Variants in PEX26 observed in about 807,000 individuals in gnomAD.
The protein encoded by PEX26 is peroxisome assembly protein 26.
A neutral mutation model predicts 31.4 loss-of-function variants in PEX26; 18 were observed. That is an observed-to-expected ratio of 0.57 (90% CI 0.40 to 0.85). The LOEUF is 0.85. PEX26 is among the 40% of genes least tolerant of loss of function. PEX26 has a pLI of 0.00. For synonymous variants in PEX26, 176 were observed against 166.9 expected (o/e 1.05, Z -0.42); for missense variants, 377 against 383.9 (o/e 0.98, Z 0.15).
rs923472082 is a variant in PEX26 at position 18,088,402 on chromosome 22, G to A, written c.*327G>A. The A allele has an allele frequency of 9.2e-6, 4 of 435,934 alleles. No homozygotes were observed. Among genetic ancestry groups the A allele is most frequent in the Non-Finnish European group, 1.7e-5 (4 of 231,728 alleles). 27.0% of individuals were successfully genotyped at this position (435,934 alleles called of 1,614,324 possible). A position where few individuals can be genotyped will look rare whatever the true frequency, so the allele number is the denominator to read the frequency against. ...ATCTTCTTGGTGAAGGCAAGGGGTT[G>A]GTTCTTCAGGTCAGGATGTTAATGG... On this transcript the variant is annotated 3_prime_UTR_variant, in exon 5 of 5. Transcript: ENST00000399744. The surrounding 1 kb of genome is among the most constrained non-coding windows in gnomAD (Gnocchi z 4.1).
chr22:18,079,331 G>C (rs1452967359), intron 1 of PEX26: 1 of 594,946 alleles, frequency 1.7e-6, no homozygotes, highest in Non-Finnish European at 2.1e-6. Context: ...AATAGCTAAA[G>C]TTGACCACAA....
intron 1 of PEX26, among the ~76,000 whole-genome samples, chr22:18,079,448 A>T (rs1014224548): frequency 6.6e-6 from 1 of 152,172 alleles, no homozygotes; most frequent in Non-Finnish European, 1.5e-5. Context: ...GAACCTTACT[A>T]GGTGGTGCCT....
In PEX26 at chr22:18,090,667, G is replaced by A. The variant is rs1927056395; in HGVS notation, c.*2592G>A. The A allele has an allele frequency of 6.7e-6, 1 of 149,574 alleles. No homozygotes were observed. Among genetic ancestry groups the A allele is most frequent in the South Asian group, 2.1e-4 (1 of 4,708 alleles). 9.3% of individuals were successfully genotyped at this position (149,574 alleles called of 1,614,324 possible). A position where few individuals can be genotyped will look rare whatever the true frequency, so the allele number is the denominator to read the frequency against. ...TTGCGTATCAACAGTGGATTTGCTGGTTGTTTCTACAGGGTTCTGAAGCAT... is the reference window on the plus strand; with the variant it reads ...TTGCGTATCAACAGTGGATTTGCTGATTGTTTCTACAGGGTTCTGAAGCAT... On this transcript the variant is annotated 3_prime_UTR_variant, in exon 5 of 5. Transcript: ENST00000399744.
rs1469164336 is a variant in PEX26 at position 18,078,004 on chromosome 22, C to G, written c.-373C>G. ...GCCGGGACGCCGCGCGGCTGCGGGG[C>G]TGGGCGAGCGCAAAGATGTCCGCGC... On this transcript the variant is annotated 5_prime_UTR_variant, in exon 1 of 5. Coordinates refer to ENST00000399744, the MANE Select transcript of PEX26 (RefSeq NM_001127649.3). The G allele has an allele frequency of 8.9e-6, 4 of 450,290 alleles. No individual in the cohort carries two copies. Among genetic ancestry groups the G allele is most frequent in the East Asian group, 6.3e-5 (1 of 15,948 alleles). 27.9% of individuals were successfully genotyped at this position (450,290 alleles called of 1,614,324 possible).
rs146022438 is a variant in PEX26 at position 18,089,212 on chromosome 22, T to C, written c.*1137T>C. The C allele has an allele frequency of 1.3e-5, 2 of 152,912 alleles. No individual in the cohort carries two copies. The highest frequency in any genetic ancestry group is 2.9e-5 in the Non-Finnish European group (2 of 68,106). 9.5% of individuals were successfully genotyped at this position (152,912 alleles called of 1,614,324 possible). ...ACCATTTCAGGTTCTTCCCTTTCTG[T>C]GTCCCATTGTCCTAGTTATGTTCTG... On this transcript the variant is annotated 3_prime_UTR_variant, in exon 5 of 5. Transcript: ENST00000399744.
In PEX26 at chr22:18,094,106, C is replaced by T. The variant is rs1219363594; in HGVS notation, c.*6031C>T. ...CAGCCCCTTTAAAACTTTTAGCATC[C>T]TCTTGTCACTTTTGTACTATCCAAG... On this transcript the variant is annotated 3_prime_UTR_variant, in exon 5 of 5. Transcript: ENST00000399744. 3.9e-5 allele frequency: 6 copies of T among 152,222 alleles called. No individual in the cohort carries two copies. Among genetic ancestry groups the T allele is most frequent in the Admixed American group, 1.3e-4 (2 of 15,282 alleles). 9.4% of individuals were successfully genotyped at this position (152,222 alleles called of 1,614,324 possible). A position where few individuals can be genotyped will look rare whatever the true frequency, so the allele number is the denominator to read the frequency against.
At position 18,091,806 on chromosome 22, in the gene PEX26, A is replaced by G. The variant is rs574077754; in HGVS notation, c.*3731A>G. 5 of 152,390 alleles carry G rather than the reference A, an allele frequency of 3.3e-5. No individual in the cohort carries two copies. Among genetic ancestry groups the G allele is most frequent in the Admixed American group, 3.3e-4 (5 of 15,296 alleles). 9.4% of individuals were successfully genotyped at this position (152,390 alleles called of 1,614,324 possible). A position where few individuals can be genotyped will look rare whatever the true frequency, so the allele number is the denominator to read the frequency against. On this transcript the variant is annotated 3_prime_UTR_variant, in exon 5 of 5. Coordinates refer to ENST00000399744, the MANE Select transcript of PEX26 (RefSeq NM_001127649.3). ...AACCCCTCCATGCTTTCCAAAGCCT[A>G]CAAGTACAGCAGCCCCAAGTTTAGG...
intron 2 of PEX26, chr22:18,081,753 C>A: frequency 1.3e-5 from 2 of 154,374 alleles, no homozygotes; most frequent in South Asian, 3.6e-4. Flanking sequence ...AAGGAAGTGC[C>A]GTCTTTCCTA....
chr22:18,087,176 G>A lies in PEX26; in HGVS notation c.815-796G>A, dbSNP rs111970984. ...TGCAACCTCCGCCTCCTGGGTTCAAGCGATTCTCCTGCCTCAGTATCCCAA... is the reference window on the plus strand; with the variant it reads ...TGCAACCTCCGCCTCCTGGGTTCAAACGATTCTCCTGCCTCAGTATCCCAA... On this transcript the variant is annotated intron_variant, in intron 4 of 4. Coordinates refer to ENST00000399744, the MANE Select transcript of PEX26 (RefSeq NM_001127649.3). 6.4e-3 allele frequency among the ~76,000 whole-genome samples: 971 copies of A among 152,302 alleles called. 9 individuals carry two copies. The highest frequency in any genetic ancestry group is 0.022 in the African/African-American group (911 of 41,560).
chr22:18,078,817 G>A, intron 1 of PEX26: 1 of 701,928 alleles, frequency 1.4e-6, no homozygotes, highest in Admixed American at 2.0e-5. Flanking sequence ...GGATCCCACA[G>A]CCAATTATTT....
In PEX26 at chr22:18,095,334, A is replaced by G. The variant is rs1292541974; in HGVS notation, c.*7259A>G. The stretch of plus-strand genomic sequence containing the variant: ...TGGGTAGGTATAAATACAAGCTGGT[A>G]GTTTCATTGGATGACTCACACAGAT... On this transcript the variant is annotated 3_prime_UTR_variant, in exon 5 of 5. Transcript: ENST00000399744. 1 of 152,188 alleles carries G rather than the reference A, an allele frequency of 6.6e-6. No individual in the cohort carries two copies. Among genetic ancestry groups the G allele is most frequent in the Non-Finnish European group, 1.5e-5 (1 of 68,036 alleles). 9.4% of individuals were successfully genotyped at this position (152,188 alleles called of 1,614,324 possible).
chr22:18,087,556 T>C (rs1017628872), intron 4 of PEX26, among the ~76,000 whole-genome samples: 1 of 152,256 alleles, frequency 6.6e-6, no homozygotes, highest in Non-Finnish European at 1.5e-5. Context: ...ATTTAGAAAC[T>C]CTTTATGATT....
chr22:18,085,023 C>T (rs1243969774), intron 3 of PEX26, 89 bp from the exon 4 acceptor site: 2 of 1,461,144 alleles, frequency 1.4e-6, no homozygotes, highest in African/African-American at 2.8e-5. Context: ...GCCTGGCCTG[C>T]TCAGGTCTTA....
intron 1 of PEX26, chr22:18,078,917 T>G (rs1360561489): frequency 5.8e-6 from 3 of 521,208 alleles, no homozygotes; most frequent in African/African-American, 5.7e-5. Flanking sequence ...GTAAAAGTCC[T>G]CTCCCAGGTA....
At chr22:18,079,789 C>A in intron 1 of PEX26, 85 bp from the exon 2 acceptor site, 2 of 1,471,938 alleles carry the variant, frequency 1.4e-6, no homozygotes, top group Non-Finnish European at 1.9e-6. Context: ...GAGTTGGGAG[C>A]TGGAGAGGAA....
In PEX26 at chr22:18,092,967, A is replaced by G. The variant is rs1260380080; in HGVS notation, c.*4892A>G. 6.6e-6 allele frequency: 1 copy of G among 152,188 alleles called. No individual in the cohort carries two copies. The highest frequency in any genetic ancestry group is 1.5e-5 in the Non-Finnish European group (1 of 68,030). The allele number at this position is 152,188 out of a possible 1,614,324, so 9.4% of individuals were successfully genotyped here. A position where few individuals can be genotyped will look rare whatever the true frequency, so the allele number is the denominator to read the frequency against. ...AAAAGAGAAAAAAATAAACGGGACAATGCCAACATGCTCAACAATAAAGGG... is the reference window on the plus strand; with the variant it reads ...AAAAGAGAAAAAAATAAACGGGACAGTGCCAACATGCTCAACAATAAAGGG... On this transcript the variant is annotated 3_prime_UTR_variant, in exon 5 of 5. Transcript: ENST00000399744.
intron 3 of PEX26, 37 bp from the exon 4 acceptor site, chr22:18,085,075 T>C: frequency 6.2e-7 from 1 of 1,611,752 alleles, no homozygotes; most frequent in Non-Finnish European, 8.5e-7. Flanking sequence ...CTGATTCCCA[T>C]GACATCCCTG....
rs936809782 is a variant in PEX26, at chr22:18,093,839, T to G, written c.*5764T>G. 1.3e-5 allele frequency: 2 copies of G among 152,246 alleles called. No homozygotes were observed. Among genetic ancestry groups the G allele is most frequent in the African/African-American group, 2.4e-5 (1 of 41,462 alleles). 9.4% of individuals were successfully genotyped at this position (152,246 alleles called of 1,614,324 possible). On this transcript the variant is annotated 3_prime_UTR_variant, in exon 5 of 5. Transcript: ENST00000399744. ...AGAAAATGGCAGTGTGCAACCAGCA[T>G]GGCTGCGAGCTCAGCGTCTTCACTA...
At position 18,104,135 on chromosome 22, in the gene PEX26, C is replaced by G. The variant is rs1927543473; in HGVS notation, c.*16060C>G. Reference sequence around the variant, plus strand: ...CCCAGAAAGGGGAACAGTTAATCATCTACACAATACCAAGAGCAGGAGGGG... The same window carrying G: ...CCCAGAAAGGGGAACAGTTAATCATGTACACAATACCAAGAGCAGGAGGGG... On this transcript the variant is annotated 3_prime_UTR_variant, in exon 5 of 5. Transcript: ENST00000399744. 6.6e-6 allele frequency: 1 copy of G among 152,158 alleles called. No individual in the cohort carries two copies. The highest frequency in any genetic ancestry group is 1.9e-4 in the East Asian group (1 of 5,192). 9.4% of individuals were successfully genotyped at this position (152,158 alleles called of 1,614,324 possible). A position where few individuals can be genotyped will look rare whatever the true frequency, so the allele number is the denominator to read the frequency against.
Sources: gnomAD v4.1 joint callset for allele counts (sites outside exome capture counted in the v4.1 genomes callset) on GRCh38, gnomAD v4.1.1 for gene constraint, Gnocchi (gnomAD v3.1) non-coding constraint, MANE v1.5 for transcripts, NCBI Gene and HGNC (gene_info 2026-07-23, HGNC 2026-07-21) for gene names.